Variants in TRABD2B observed in about 807,000 individuals in gnomAD.
TRABD2B encodes the protein metalloprotease TIKI2.
A neutral mutation model predicts 40.1 loss-of-function variants in TRABD2B; 14 were observed. The observed-to-expected ratio is 0.35, with a 90% CI of 0.23 to 0.55. TRABD2B has a LOEUF of 0.55. Ranked by LOEUF, TRABD2B falls within the 20% of genes least tolerant of loss-of-function variation. The pLI is 0.90. For synonymous variants in TRABD2B, 263 were observed against 277.0 expected (o/e 0.95, Z 0.50); for missense variants, 541 against 648.6 (o/e 0.83, Z 1.80).
rs1644261115 is a variant in TRABD2B at position 47,763,050 on chromosome 1, G to A, written c.*2852C>T. 1 of 152,234 alleles carries A rather than the reference G, an allele frequency of 6.6e-6. No homozygotes were observed. The highest frequency in any genetic ancestry group is 1.5e-5 in the Non-Finnish European group (1 of 68,052). 9.4% of individuals were successfully genotyped at this position (152,234 alleles called of 1,614,324 possible). A position where few individuals can be genotyped will look rare whatever the true frequency, so the allele number is the denominator to read the frequency against. On this transcript the variant is annotated 3_prime_UTR_variant, in exon 7 of 7. Coordinates refer to ENST00000606738, the MANE Select transcript of TRABD2B (RefSeq NM_001194986.2). The stretch of plus-strand genomic sequence containing the variant: ...TCTCAGAGCAACAGGAGCATTTTAT[G>A]AGGCTGGGCACAAAGAACGTTTCTG...
At chr1:47,803,243 C>A (rs1467711844) in intron 2 of TRABD2B, among the ~76,000 whole-genome samples, 1 of 152,230 alleles carries the variant, frequency 6.6e-6, no homozygotes, top group Non-Finnish European at 1.5e-5. Flanking sequence ...TAAACCTTAG[C>A]CCCTCCCTGT....
In TRABD2B at chr1:47,775,409, A is replaced by G; in HGVS notation, c.1110T>C (p.Pro370=). ...GGGCCGGGCTCGTCGAGGTCCCCTC[A>G]GGAGAGGGCGCTGGGCTCTGGGGGG... The part of the protein sequence containing the change: ...SPAPQSPAPS[P]EGTSTSPAPV... The change falls in exon 6 of 7, where the codon CCT becomes CCC. Residue 370 remains proline (P), a synonymous_variant. Coordinates refer to ENST00000606738, the MANE Select transcript of TRABD2B (RefSeq NM_001194986.2). 8.1e-7 allele frequency: 1 copy of G among 1,236,192 alleles called. No homozygotes were observed. Among genetic ancestry groups the G allele is most frequent in the East Asian group, 3.1e-5 (1 of 31,746 alleles). The allele number at this position is 1,236,192 out of a possible 1,614,324, so 76.6% of individuals were successfully genotyped here.
chr1:47,767,784 C>T (rs991640748), intron 6 of TRABD2B, among the ~76,000 whole-genome samples: 2 of 152,238 alleles, frequency 1.3e-5, no homozygotes, highest in Non-Finnish European at 2.9e-5. Flanking sequence ...CCACTGCTTG[C>T]CCCACCTCGA....
intron 2 of TRABD2B, among the ~76,000 whole-genome samples, chr1:47,965,108 T>C (rs779775697): frequency 2.0e-5 from 3 of 148,938 alleles, no homozygotes; most frequent in Admixed American, 1.4e-4. Flanking sequence ...CAGGACTTGA[T>C]CAAATAGGTT....
rs148615888 is a variant in TRABD2B, at chr1:47,773,210, G to C, written c.1349+1960C>G. Among the ~76,000 whole-genome samples the C allele has an allele frequency of 5.3e-3, 808 of 152,328 alleles. 7 individuals are homozygous for C. Among genetic ancestry groups the C allele is most frequent in the African/African-American group, 0.018 (766 of 41,580 alleles). ...ACCAGCCTAATTGGAACTTTTAATG[G>C]GTTGCCAGCTCCTTCACTTGCTTCA... On this transcript the variant is annotated intron_variant, in intron 6 of 6. Transcript: ENST00000606738.
At chr1:47,817,806 C>T (rs981749324) in intron 2 of TRABD2B, among the ~76,000 whole-genome samples, 34 of 152,182 alleles carry the variant, frequency 2.2e-4, no homozygotes, top group Admixed American at 2.0e-3. Context: ...ACACCCAGAC[C>T]GAAGCTGTCC....
In TRABD2B at chr1:47,849,363, G is replaced by C. The variant is rs9783032; in HGVS notation, c.667-47744C>G. Reference sequence around the variant, plus strand: ...ACACTGCCATCTGTGAACGAAGGAGGAAGGCCCCAGAGGAAACCAATGCTG... The same window carrying C: ...ACACTGCCATCTGTGAACGAAGGAGCAAGGCCCCAGAGGAAACCAATGCTG... On this transcript the variant is annotated intron_variant, in intron 2 of 6. Transcript: ENST00000606738. Among the ~76,000 whole-genome samples, 280 of 152,314 alleles carry C rather than the reference G, an allele frequency of 1.8e-3. 2 individuals carry two copies. Among genetic ancestry groups the C allele is most frequent in the African/African-American group, 6.3e-3 (260 of 41,562 alleles).
intron 2 of TRABD2B, among the ~76,000 whole-genome samples, chr1:47,880,254 T>G (rs1001699536): frequency 4.6e-5 from 7 of 152,064 alleles, no homozygotes; most frequent in African/African-American, 1.7e-4. Context: ...AGGTGGAGGT[T>G]GCAGTGAGCT....
At chr1:47,990,858 G>C (rs1646001212) in intron 2 of TRABD2B, among the ~76,000 whole-genome samples, 1 of 119,440 alleles carries the variant, frequency 8.4e-6, no homozygotes, top group African/African-American at 3.2e-5. Context: ...TAGTGTTGAG[G>C]CTGGGACTGA....
At chr1:47,913,163 A>G (rs952617894) in intron 2 of TRABD2B, among the ~76,000 whole-genome samples, 1 of 152,126 alleles carries the variant, frequency 6.6e-6, no homozygotes, top group Non-Finnish European at 1.5e-5. Flanking sequence ...GTCCTTCCCA[A>G]GCTTCTCCTC....
intron 2 of TRABD2B, among the ~76,000 whole-genome samples, chr1:47,968,367 T>G (rs1351016929): frequency 6.6e-6 from 1 of 152,172 alleles, no homozygotes; most frequent in Non-Finnish European, 1.5e-5. Flanking sequence ...CTCCCCCTAC[T>G]ACTCAAGTCC....
chr1:47,790,776 G>A (rs761573554), intron 4 of TRABD2B, among the ~76,000 whole-genome samples: 3 of 152,234 alleles, frequency 2.0e-5, no homozygotes, highest in African/African-American at 7.2e-5. Flanking sequence ...GTGGTGTTAC[G>A]TAATCAGAGA....
At chr1:47,977,819 A>G (rs771052312) in intron 2 of TRABD2B, among the ~76,000 whole-genome samples, 3 of 152,122 alleles carry the variant, frequency 2.0e-5, no homozygotes, top group Non-Finnish European at 2.9e-5. Flanking sequence ...AAGTATCATC[A>G]CAGGAAGAGG....
chr1:47,802,749 T>TC (rs888182582), intron 2 of TRABD2B, among the ~76,000 whole-genome samples: 6 of 152,088 alleles, frequency 3.9e-5, no homozygotes, highest in African/African-American at 1.4e-4. Flanking sequence ...CCTGCACCAG[T>TC]CCCGCCCATC....
intron 2 of TRABD2B, among the ~76,000 whole-genome samples, chr1:47,836,540 T>C (rs899117395): frequency 1.3e-5 from 2 of 152,262 alleles, no homozygotes; most frequent in Non-Finnish European, 2.9e-5. Context: ...GTGCTTGGCA[T>C]ATAGTAGGTA....
At chr1:47,863,846 T>A (rs10789519) in intron 2 of TRABD2B, among the ~76,000 whole-genome samples, 105,054 of 152,056 alleles carry the variant, frequency 0.69, 36,494 homozygotes, top group East Asian at 0.83. Context: ...GAAGCAACCA[T>A]GATGTCCGTC....
chr1:47,990,321 G>A (rs546049494), intron 2 of TRABD2B, among the ~76,000 whole-genome samples: 316 of 152,282 alleles, frequency 2.1e-3, no homozygotes, highest in African/African-American at 7.5e-3. Flanking sequence ...GTCCCCTAGA[G>A]GGAGAAGTAG....
At chr1:47,860,220 T>C (rs1643946834) in intron 2 of TRABD2B, among the ~76,000 whole-genome samples, 1 of 152,194 alleles carries the variant, frequency 6.6e-6, no homozygotes, top group Admixed American at 6.5e-5. Context: ...CTTAAAACTC[T>C]CCTTCAAATT....
intron 2 of TRABD2B, among the ~76,000 whole-genome samples, chr1:47,816,261 G>A (rs1426056363): frequency 6.6e-6 from 1 of 152,202 alleles, no homozygotes; most frequent in East Asian, 1.9e-4. Context: ...GGGCCCACTG[G>A]TCTTGGCCTA....
Sources: gnomAD v4.1 joint callset for allele counts (sites outside exome capture counted in the v4.1 genomes callset) on GRCh38, gnomAD v4.1.1 for gene constraint, MANE v1.5 for transcripts, NCBI Gene and HGNC (gene_info 2026-07-23, HGNC 2026-07-21) for gene names.